ZFP30: variants seen among roughly 807,000 people sequenced by gnomAD.
The protein encoded by ZFP30 is zinc finger protein 30 homolog.
A neutral mutation model predicts 12.3 loss-of-function variants in ZFP30; 16 were observed. The observed-to-expected ratio is 1.30, with a 90% CI of 0.88 to 1.98. The LOEUF (loss-of-function observed/expected upper bound fraction) is 1.98. Among genes scored for constraint, ZFP30 ranks in the 30% most tolerant of loss-of-function variants. The pLI is 0.00. For synonymous variants in ZFP30, 172 were observed against 201.0 expected (o/e 0.86, Z 1.22); for missense variants, 560 against 611.2 (o/e 0.92, Z 0.88).
rs1204361073 is a variant in ZFP30 at position 37,636,200 on chromosome 19, A to G, written c.341T>C (p.Leu114Pro). ...CTCATGAGGACTTTCTTGTTCTTCAAGTCCACAGCTTTTAATTCTTTCCAT... is the reference window on the plus strand; with the variant it reads ...CTCATGAGGACTTTCTTGTTCTTCAGGTCCACAGCTTTTAATTCTTTCCAT... Reference protein sequence around the residue: ...KVMERIKSCGLEEQESPHEVC... With the variant: ...KVMERIKSCGPEEQESPHEVC... The change falls in exon 6 of 6, where the codon CTT becomes CCT. Residue 114 changes from leucine (L) to proline (P), a missense_variant. Leu to Pro is a moderately conservative substitution (Grantham distance 98). Transcript: ENST00000684514. The G allele has an allele frequency of 3.7e-6, 6 of 1,614,138 alleles. No homozygotes were observed. In the Admixed American group the frequency reaches 1.0e-4, roughly 27 times the overall value.
At chr19:37,639,956 A>G (rs576779275) in intron 5 of ZFP30, among the ~76,000 whole-genome samples, 69 of 152,326 alleles carry the variant, frequency 4.5e-4, no homozygotes, top group African/African-American at 1.6e-3. Flanking sequence ...ACGCTACCAA[A>G]TAGCCATGTT....
Position 37,635,267 on chromosome 19 carries a change from A to C in ZFP30, c.1274T>G (p.Leu425Arg). 2 of 1,614,190 alleles carry C rather than the reference A, an allele frequency of 1.2e-6. No homozygotes were observed. Among genetic ancestry groups the C allele is most frequent in the Non-Finnish European group, 8.5e-7 (1 of 1,180,012 alleles). Reference protein sequence around the residue: ...CGKAFRLFSQLTQHQSIHFGE... With the variant: ...CGKAFRLFSQRTQHQSIHFGE... ...AAAATGAATACTCTGATGTTGAGTA[A>C]GCTGTGAGAACAGCCTAAATGCCTT... Residue 425 changes from leucine to arginine, a missense_variant, in exon 6 of 6, where the codon CTT (leucine) becomes CGT (arginine). Coordinates refer to ENST00000684514, the MANE Select transcript of ZFP30 (RefSeq NM_001320669.3).
intron 4 of ZFP30, chr19:37,644,407 G>A (rs1319817315): frequency 7.9e-6 from 3 of 380,224 alleles, no homozygotes; most frequent in East Asian, 5.0e-5. Flanking sequence ...GGTGGTGTGC[G>A]CCTGTAGTCC....
intron 2 of ZFP30, among the ~76,000 whole-genome samples, chr19:37,650,837 C>T (rs1439676675): frequency 2.0e-5 from 3 of 151,820 alleles, no homozygotes; most frequent in Non-Finnish European, 4.4e-5. Flanking sequence ...TGGGTTCAAC[C>T]GATTCTCTGC....
In ZFP30 at chr19:37,635,747, G is replaced by A. The variant is rs763234809; in HGVS notation, c.794C>T (p.Thr265Met). 23 of 1,613,876 alleles carry A rather than the reference G, an allele frequency of 1.4e-5. No homozygotes were observed. Among genetic ancestry groups the A allele is most frequent in the African/African-American group, 5.3e-5 (4 of 74,862 alleles). ...TTTACATTCATAGGGTTTCTCACCCGTGTGAATCCTTTGATGGAGATTAAG... is the reference window on the plus strand; with the variant it reads ...TTTACATTCATAGGGTTTCTCACCCATGTGAATCCTTTGATGGAGATTAAG... ...GQLNLHQRIHTGEKPYECKEC... is the reference protein window; with the variant it reads ...GQLNLHQRIHMGEKPYECKEC... The change falls in exon 6 of 6, where the codon ACG becomes ATG. Residue 265 changes from threonine to methionine, a missense_variant. By Grantham distance (81) the Thr-to-Met change is moderately conservative. Transcript: ENST00000684514.
rs935234652 is a variant in ZFP30, at chr19:37,632,210, G to A, written c.*2771C>T. Reference sequence around the variant, plus strand: ...CTCAGGCTCTCTTCATTCAGCATGTGAAGTCAATTTTAGTAATTTTTACCA... The same window carrying A: ...CTCAGGCTCTCTTCATTCAGCATGTAAAGTCAATTTTAGTAATTTTTACCA... On this transcript the variant is annotated 3_prime_UTR_variant, in exon 6 of 6. Coordinates refer to ENST00000684514, the MANE Select transcript of ZFP30 (RefSeq NM_001320669.3). 6.6e-6 allele frequency: 1 copy of A among 151,738 alleles called. No individual in the cohort carries two copies. The highest frequency in any genetic ancestry group is 1.5e-5 in the Non-Finnish European group (1 of 67,936). 9.4% of individuals were successfully genotyped at this position (151,738 alleles called of 1,614,324 possible).
At chr19:37,641,852 T>G (rs2044442399) in intron 5 of ZFP30, among the ~76,000 whole-genome samples, 1 of 152,226 alleles carries the variant, frequency 6.6e-6, no homozygotes, top group South Asian at 2.1e-4. Flanking sequence ...TTATTTCCCT[T>G]GTAATTTATT....
chr19:37,644,881 G>A, intron 3 of ZFP30, 145 bp from the exon 4 acceptor site: 1 of 777,686 alleles, frequency 1.3e-6, no homozygotes, highest in Non-Finnish European at 2.0e-6. Context: ...CCAGGAGTTT[G>A]AGACCAGCCT....
intron 5 of ZFP30, among the ~76,000 whole-genome samples, chr19:37,639,981 C>A (rs1452701263): frequency 6.6e-6 from 1 of 152,108 alleles, no homozygotes; most frequent in African/African-American, 2.4e-5. Context: ...CCCAAGTTTG[C>A]CTATTACAGT....
At chr19:37,650,368 G>A (rs1339033906) in intron 2 of ZFP30, among the ~76,000 whole-genome samples, 2 of 152,026 alleles carry the variant, frequency 1.3e-5, no homozygotes, top group Non-Finnish European at 2.9e-5. Context: ...ACCTCCCAAA[G>A]TTCTGGGATT....
chr19:37,636,037 T>C lies in ZFP30; in HGVS notation c.504A>G (p.Arg168=), dbSNP rs2044318927. The C allele has an allele frequency of 6.2e-7, 1 of 1,613,756 alleles. No individual in the cohort carries two copies. Among genetic ancestry groups the C allele is most frequent in the African/African-American group, 1.3e-5 (1 of 74,822 alleles). ...YECGECGKAF[R]VRQQLTFHQR... is the part of the protein sequence containing the mutation. ...GATGGAAAGTAAGTTGTTGTCGTAC[T>C]CTAAAAGCCTTCCCACATTCCCCAC... Residue 168 remains arginine (R), a synonymous_variant, in exon 6 of 6, where the codon AGA becomes AGG. Transcript: ENST00000684514.
intron 3 of ZFP30, among the ~76,000 whole-genome samples, chr19:37,646,123 G>C (rs1030397466): frequency 2.0e-5 from 3 of 152,128 alleles, no homozygotes; most frequent in African/African-American, 7.2e-5. Flanking sequence ...CCTGGGATGT[G>C]ATATGCTTTG....
intron 5 of ZFP30, among the ~76,000 whole-genome samples, chr19:37,642,376 C>T (rs187038730): frequency 3.2e-4 from 49 of 152,294 alleles, no homozygotes; most frequent in African/African-American, 1.1e-3. Flanking sequence ...CATTGCAATA[C>T]ACTGCAGTCA....
At chr19:37,647,778 G>GA in intron 3 of ZFP30, 36 bp downstream of exon 3, 1 of 1,613,168 alleles carries the variant, frequency 6.2e-7, no homozygotes, top group Non-Finnish European at 8.5e-7. Context: ...TGAAAAAAAT[G>GA]ACAGAATTCC....
chr19:37,648,368 T>G (rs1419945094), intron 2 of ZFP30, among the ~76,000 whole-genome samples: 1 of 152,208 alleles, frequency 6.6e-6, no homozygotes, highest in Non-Finnish European at 1.5e-5. Flanking sequence ...GACAAGAATT[T>G]CCCAAACTTT....
Position 37,631,050 on chromosome 19 carries a change from C to G in ZFP30, c.*3931G>C, listed in dbSNP as rs1365511636. ...TTATTTCTGCAGAAAAGCAACAGTT[C>G]AATATTCAGAAAGAACAGGTGACTT... On this transcript the variant is annotated 3_prime_UTR_variant, in exon 6 of 6. Transcript: ENST00000684514. The G allele has an allele frequency of 6.6e-6, 1 of 152,184 alleles. No homozygotes were observed. The highest frequency in any genetic ancestry group is 2.4e-5 in the African/African-American group (1 of 41,434). 9.4% of individuals were successfully genotyped at this position (152,184 alleles called of 1,614,324 possible).
At chr19:37,645,284 T>G (rs1270658857) in intron 3 of ZFP30, among the ~76,000 whole-genome samples, 2 of 151,850 alleles carry the variant, frequency 1.3e-5, no homozygotes, top group Non-Finnish European at 2.9e-5. Context: ...ATCAAATGAA[T>G]AGACTAGGGC....
intron 5 of ZFP30, 95 bp from the exon 6 acceptor site, chr19:37,636,400 A>AG (rs1274880778): frequency 3.1e-6 from 4 of 1,310,848 alleles, no homozygotes; most frequent in Non-Finnish European, 4.0e-6. Flanking sequence ...AAAAAAAAAA[A>AG]AAAGAAAAAG....
At chr19:37,648,203 A>C (rs1437559277) in intron 2 of ZFP30, among the ~76,000 whole-genome samples, 1 of 152,176 alleles carries the variant, frequency 6.6e-6, no homozygotes, top group African/African-American at 2.4e-5. Flanking sequence ...GTTTGGACCA[A>C]AGAATGGGTT....
Sources: gnomAD v4.1 joint callset for allele counts (sites outside exome capture counted in the v4.1 genomes callset) on GRCh38, gnomAD v4.1.1 for gene constraint, MANE v1.5 for transcripts, NCBI Gene and HGNC (gene_info 2026-07-23, HGNC 2026-07-21) for gene names.